The following CCL25 variants were observed in gnomAD, a reference collection of about 807,000 sequenced individuals.
The protein encoded by CCL25 is C-C motif chemokine 25.
A neutral mutation model predicts 19.9 loss-of-function variants in CCL25; 14 were observed. The ratio of observed to expected loss-of-function variants is 0.70; its 90% confidence interval spans 0.47 to 1.10. The LOEUF (loss-of-function observed/expected upper bound fraction) is 1.10, where lower values mean the gene tolerates loss of function less well. Among genes scored for constraint, CCL25 ranks in the 50% least tolerant of loss-of-function variants. The pLI, the probability that CCL25 is intolerant of heterozygous loss-of-function variation, is 0.00. For missense variants in CCL25, 151 were observed against 181.2 expected (o/e 0.83, Z 0.96); for synonymous variants, 68 against 73.2 (o/e 0.93, Z 0.36).
rs994822878 is a variant in CCL25 at position 8,057,338 on chromosome 19, T to C, written c.326-463T>C. On this transcript the variant is annotated intron_variant, in intron 4 of 5. Transcript: ENST00000315626. ...CCTGGCTCCAGCTCATTATTATTAT[T>C]ATTATTTTGAGACAGGGTTTTACTC... is the stretch of plus-strand genomic sequence containing the variant. Among the ~76,000 whole-genome samples the C allele has an allele frequency of 2.0e-5, 3 of 150,364 alleles. No individual in the cohort carries two copies. In the Admixed American group the frequency reaches 2.0e-4, roughly 10 times the overall value.
Position 8,062,463 on chromosome 19 carries a change from G to T in CCL25, c.*238G>T. The stretch of plus-strand genomic sequence containing the variant: ...CGCTCCGGGGACCAGCAGCAATCCT[G>T]GGCAGCCAGTGGCTCTTGTAGAGAA... On this transcript the variant is annotated 3_prime_UTR_variant, in exon 6 of 6. Coordinates refer to ENST00000315626, the MANE Select transcript of CCL25 (RefSeq NM_005624.4). 1.8e-6 allele frequency: 1 copy of T among 559,714 alleles called. No homozygotes were observed. The highest frequency in any genetic ancestry group is 3.2e-6 in the Non-Finnish European group (1 of 312,112). The allele number at this position is 559,714 out of a possible 1,614,324, so 34.7% of individuals were successfully genotyped here.
At chr19:8,060,968 C>T (rs2145300279) in intron 5 of CCL25, among the ~76,000 whole-genome samples, 1 of 149,688 alleles carries the variant, frequency 6.7e-6, no homozygotes, top group East Asian at 2.0e-4. Flanking sequence ...GTGTGAGCCA[C>T]CATGCCCGGC....
chr19:8,062,098 T>TA (rs2081322065), intron 5 of CCL25, 120 bp from the exon 6 acceptor site: 4 of 902,688 alleles, frequency 4.4e-6, no homozygotes, highest in Non-Finnish European at 7.2e-6. Context: ...GCACTCCTAT[T>TA]ACTCAGAAAT....
In CCL25 at chr19:8,052,982, T is replaced by G; in HGVS notation, c.-50-18T>G. On this transcript the variant is annotated intron_variant, in intron 1 of 5. Coordinates refer to ENST00000315626, the MANE Select transcript of CCL25 (RefSeq NM_005624.4). Reference sequence around the variant, plus strand: ...CCTCCTCTTCCTCAGTCCTTACCACTTCCCTCCACGACCCCAGGTGGCCCC... The same window carrying G: ...CCTCCTCTTCCTCAGTCCTTACCACGTCCCTCCACGACCCCAGGTGGCCCC... 8.8e-7 allele frequency: 1 copy of G among 1,137,058 alleles called. No homozygotes were observed. The highest frequency in any genetic ancestry group is 1.5e-5 in the African/African-American group (1 of 65,292). The allele number at this position is 1,137,058 out of a possible 1,614,324, so 70.4% of individuals were successfully genotyped here. A position where few individuals can be genotyped will look rare whatever the true frequency, so the allele number is the denominator to read the frequency against.
chr19:8,060,836 A>G (rs1352477518), intron 5 of CCL25, among the ~76,000 whole-genome samples: 1 of 151,364 alleles, frequency 6.6e-6, no homozygotes, highest in African/African-American at 2.4e-5. Flanking sequence ...GCCCGCCACC[A>G]CGCCTGGCTA....
At chr19:8,055,775 AT>A (rs1483857564) in intron 2 of CCL25, among the ~76,000 whole-genome samples, 1 of 152,150 alleles carries the variant, frequency 6.6e-6, no homozygotes, top group Non-Finnish European at 1.5e-5. Flanking sequence ...TGAGCTGCCA[AT>A]CAGCTCATTT....
chr19:8,059,126 TATAA>T (rs2081298941), intron 5 of CCL25, among the ~76,000 whole-genome samples: 2 of 100,338 alleles, frequency 2.0e-5, no homozygotes, highest in East Asian at 5.1e-4. Flanking sequence ...TATAAATATA[TATAA>T]ATATATATTA....
chr19:8,062,124 G>C, intron 5 of CCL25, 94 bp from the exon 6 acceptor site: 2 of 1,203,906 alleles, frequency 1.7e-6, no homozygotes, highest in Non-Finnish European at 2.5e-6. Flanking sequence ...AGGGTTTTAG[G>C]AGCTGTAGGG....
intron 5 of CCL25, among the ~76,000 whole-genome samples, 167 bp from the exon 6 acceptor site, chr19:8,062,046 CAAAAA>C (rs34907151): frequency 1.2e-4 from 7 of 60,542 alleles, no homozygotes; most frequent in African/African-American, 3.5e-4. Flanking sequence ...GAGACTGTCT[CAAAAA>C]AAAAAAAAAA....
chr19:8,059,023 AATATATGTAATATATAAAC>A (rs1219980315), intron 5 of CCL25, among the ~76,000 whole-genome samples: 72 of 126,218 alleles, frequency 5.7e-4, no homozygotes, highest in African/African-American at 1.9e-3. Context: ...ATATAATATA[AATATATGTAATATATAAAC>A]ATATATGTAA....
chr19:8,054,154 G>C (rs1421918633), intron 2 of CCL25, among the ~76,000 whole-genome samples: 1 of 152,200 alleles, frequency 6.6e-6, no homozygotes, highest in South Asian at 2.1e-4. Flanking sequence ...GCTGGCCAAA[G>C]CAGGGTCCCT....
chr19:8,060,055 C>T (rs2081307069), intron 5 of CCL25, among the ~76,000 whole-genome samples: 2 of 151,806 alleles, frequency 1.3e-5, no homozygotes, highest in African/African-American at 2.4e-5. Flanking sequence ...AGCCACTGCA[C>T]TCCAGCCTGG....
Position 8,062,269 on chromosome 19 carries a change from C to A in CCL25, c.*44C>A. The A allele has an allele frequency of 6.2e-7, 1 of 1,611,038 alleles. No individual in the cohort carries two copies. On this transcript the variant is annotated 3_prime_UTR_variant, in exon 6 of 6. Transcript: ENST00000315626. Reference sequence around the variant, plus strand: ...TCCATCGGCACAGGAGGGGCCGGATCTTTCTCCGATAAAACCGTCGCCCTA... The same window carrying A: ...TCCATCGGCACAGGAGGGGCCGGATATTTCTCCGATAAAACCGTCGCCCTA...
At chr19:8,052,724 C>T (rs7259568), upstream of CCL25, 43,445 of 297,132 alleles carry the variant, frequency 0.15, 3,575 homozygotes, top group Admixed American at 0.21. Flanking sequence ...GGGTGGGGCT[C>T]TGTCTATAAA....
chr19:8,054,443 G>A (rs1444470408), intron 2 of CCL25, among the ~76,000 whole-genome samples: 6 of 152,214 alleles, frequency 3.9e-5, no homozygotes, highest in African/African-American at 1.2e-4. Flanking sequence ...GACACCTGGA[G>A]GGCTCGAGTC....
chr19:8,062,410 G>T lies in CCL25; in HGVS notation c.*185G>T, dbSNP rs898252103. On this transcript the variant is annotated 3_prime_UTR_variant, in exon 6 of 6. Transcript: ENST00000315626. ...CTGCCCGTCTGGCAACTGGAAAGAGGGAGTTGGCCTGATTTTAAGCCTTTT... is the reference window on the plus strand; with the variant it reads ...CTGCCCGTCTGGCAACTGGAAAGAGTGAGTTGGCCTGATTTTAAGCCTTTT... 12 of 623,328 alleles carry T rather than the reference G, an allele frequency of 1.9e-5. No homozygotes were observed. The highest frequency in any genetic ancestry group is 3.1e-5 in the Non-Finnish European group (11 of 354,296). 38.6% of individuals were successfully genotyped at this position (623,328 alleles called of 1,614,324 possible).
chr19:8,053,253 C>G, intron 2 of CCL25, 131 bp downstream of exon 2: 1 of 541,962 alleles, frequency 1.8e-6, no homozygotes. Context: ...TCCTGACATG[C>G]AGGAACTCCT....
intron 2 of CCL25, among the ~76,000 whole-genome samples, chr19:8,055,489 C>T (rs548837472): frequency 6.6e-6 from 1 of 151,618 alleles, no homozygotes; most frequent in East Asian, 2.0e-4. Context: ...GCGCCCACCA[C>T]CACACCCGGC....
At chr19:8,059,162 TATATA>T (rs2081300924) in intron 5 of CCL25, among the ~76,000 whole-genome samples, 5 of 114,122 alleles carry the variant, frequency 4.4e-5, no homozygotes, top group African/African-American at 1.0e-4. Context: ...ATATATATAA[TATATA>T]ATATATATAA....
Sources: allele counts gnomAD v4.1 joint callset (sites outside exome capture counted in the v4.1 genomes callset), GRCh38; gene constraint gnomAD v4.1.1; transcripts MANE v1.5; gene names NCBI Gene and HGNC (gene_info 2026-07-23, HGNC 2026-07-21).